The following ZKSCAN8 variants were observed in gnomAD, a reference collection of about 807,000 sequenced individuals.
ZKSCAN8 encodes zinc finger with KRAB and SCAN domains 8, also known as zinc finger protein with KRAB and SCAN domains 8.
A neutral mutation model predicts 57.2 loss-of-function variants in ZKSCAN8; 27 were observed. The observed-to-expected ratio is 0.47, with a 90% CI of 0.35 to 0.65. The LOEUF (loss-of-function observed/expected upper bound fraction) is 0.65, where lower values mean the gene tolerates loss of function less well. Among genes scored for constraint, ZKSCAN8 ranks in the 30% least tolerant of loss-of-function variants. The pLI, the probability that ZKSCAN8 is intolerant of heterozygous loss-of-function variation, is 0.01. For missense variants in ZKSCAN8, 597 were observed against 696.3 expected (o/e 0.86, Z 1.60); for synonymous variants, 214 against 248.7 (o/e 0.86, Z 1.31).
chr6:28,153,762 G>A lies in ZKSCAN8; in HGVS notation c.1482G>A (p.Glu494=). 1 of 1,614,022 alleles carries A rather than the reference G, an allele frequency of 6.2e-7. No individual in the cohort carries two copies. Among genetic ancestry groups the A allele is most frequent in the Non-Finnish European group, 8.5e-7 (1 of 1,179,934 alleles). The change falls in exon 6 of 6, where the codon GAG becomes GAA. Residue 494 remains glutamate, a synonymous_variant. Transcript: ENST00000330236. ...HTGEKPYKCN[E]CGRAFSQKSG... ...GGGAGAAACCCTACAAATGCAATGA[G>A]TGTGGGAGGGCCTTCAGTCAGAAGT...
In ZKSCAN8 at chr6:28,154,063, C is replaced by A; in HGVS notation, c.*46C>A. On this transcript the variant is annotated 3_prime_UTR_variant, in exon 6 of 6. Transcript: ENST00000330236. The stretch of plus-strand genomic sequence containing the variant: ...TGAGCATTATTCAGCATTAGGGAAA[C>A]CACACACTGGTGAGAGGTCTTTCAG... 1 of 1,527,330 alleles carries A rather than the reference C, an allele frequency of 6.5e-7. No homozygotes were observed. 94.6% of individuals were successfully genotyped at this position (1,527,330 alleles called of 1,614,324 possible).
At chr6:28,150,415 G>A (rs1272874203) in intron 3 of ZKSCAN8, among the ~76,000 whole-genome samples, 1 of 152,118 alleles carries the variant, frequency 6.6e-6, no homozygotes, top group Non-Finnish European at 1.5e-5. Context: ...CTTCTTAGGG[G>A]TACAACAGGA....
rs752977146 is a variant in ZKSCAN8, at chr6:28,148,549, GA to G, written c.144del (p.Val49CysfsTer15). 6.2e-7 allele frequency: 1 copy of G among 1,614,168 alleles called. No individual in the cohort carries two copies. Among genetic ancestry groups the G allele is most frequent in the Admixed American group, 1.7e-5 (1 of 60,014 alleles). ...GCATGAAAGTAACCCTCTTGGCCAAGAAGTGTTCCGCCTGCGCTTCAGGCAG... is the reference window on the plus strand; with the variant it reads ...GCATGAAAGTAACCCTCTTGGCCAAGAGTGTTCCGCCTGCGCTTCAGGCAG... ...SLHESNPLGQ[E>X]VFRLRFRQLR... On this transcript the variant is annotated frameshift_variant, in exon 2 of 6. Transcript: ENST00000330236. LOFTEE classifies it high-confidence loss of function.
At position 28,146,220 on chromosome 6, in the gene ZKSCAN8, A is replaced by G. The variant is rs191831187; in HGVS notation, c.-92-2096A>G. ...TGGCTAATGTTCTTCGATTCTATCAATAAGATAAAAGATATGGACCTTTGC... is the reference window on the plus strand; with the variant it reads ...TGGCTAATGTTCTTCGATTCTATCAGTAAGATAAAAGATATGGACCTTTGC... On this transcript the variant is annotated intron_variant, in intron 1 of 5. Transcript: ENST00000330236. Among the ~76,000 whole-genome samples, 135 of 152,388 alleles carry G rather than the reference A, an allele frequency of 8.9e-4. No homozygotes were observed. The Middle Eastern group carries it at 0.01, about 12-fold the overall frequency.
intron 1 of ZKSCAN8, among the ~76,000 whole-genome samples, chr6:28,143,204 A>C (rs1457706212): frequency 6.6e-6 from 1 of 152,188 alleles, no homozygotes; most frequent in African/African-American, 2.4e-5. Context: ...CACAAAACTG[A>C]GAGGAAGGTA....
At position 28,154,442 on chromosome 6, in the gene ZKSCAN8, G is replaced by A. The variant is rs1312523628; in HGVS notation, c.*425G>A. ...GAAGGTGCCCTTGTATTCCTAATCTGATCTAAGAAGCTGCTGTAGAGTCAG... is the reference window on the plus strand; with the variant it reads ...GAAGGTGCCCTTGTATTCCTAATCTAATCTAAGAAGCTGCTGTAGAGTCAG... On this transcript the variant is annotated 3_prime_UTR_variant, in exon 6 of 6. Coordinates refer to ENST00000330236, the MANE Select transcript of ZKSCAN8 (RefSeq NM_006298.4). The A allele has an allele frequency of 1.9e-5, 3 of 160,226 alleles. No homozygotes were observed. The highest frequency in any genetic ancestry group is 7.2e-5 in the African/African-American group (3 of 41,578). The allele number at this position is 160,226 out of a possible 1,614,324, so 9.9% of individuals were successfully genotyped here.
At position 28,158,820 on chromosome 6, in the gene ZKSCAN8, C is replaced by T. The variant is rs1765869311; in HGVS notation, c.*4803C>T. 1 of 152,098 alleles carries T rather than the reference C, an allele frequency of 6.6e-6. No homozygotes were observed. The highest frequency in any genetic ancestry group is 1.5e-5 in the Non-Finnish European group (1 of 68,026). The allele number at this position is 152,098 out of a possible 1,614,324, so 9.4% of individuals were successfully genotyped here. A position where few individuals can be genotyped will look rare whatever the true frequency, so the allele number is the denominator to read the frequency against. On this transcript the variant is annotated 3_prime_UTR_variant, in exon 6 of 6. Coordinates refer to ENST00000330236, the MANE Select transcript of ZKSCAN8 (RefSeq NM_006298.4). ...ATTGTAAAATTTTCATTTTCAGTAA[C>T]ACCCAGTAGATAATTTTTCAAAGAC... is the stretch of plus-strand genomic sequence containing the variant.
chr6:28,152,466 T>C (rs1351808766), intron 5 of ZKSCAN8, 82 bp downstream of exon 5: 1 of 1,476,864 alleles, frequency 6.8e-7, no homozygotes, highest in Non-Finnish European at 9.0e-7. Context: ...ACAGCCTTTC[T>C]GAAAGACATA....
At position 28,146,860 on chromosome 6, in the gene ZKSCAN8, G is replaced by A. The variant is rs143123739; in HGVS notation, c.-92-1456G>A. Among the ~76,000 whole-genome samples the A allele has an allele frequency of 8.7e-4, 133 of 152,160 alleles. 3 individuals carry two copies. In the East Asian group the frequency reaches 0.023, roughly 27 times the overall value. ...ACAAATATACAAAGACAGTTAAGTA[G>A]ATAAAGGAGAATCCTTAAAATGAAC... On this transcript the variant is annotated intron_variant, in intron 1 of 5. Transcript: ENST00000330236.
Position 28,154,071 on chromosome 6 carries a change from T to C in ZKSCAN8, c.*54T>C. 6.6e-7 allele frequency: 1 copy of C among 1,519,328 alleles called. No individual in the cohort carries two copies. The highest frequency in any genetic ancestry group is 1.4e-5 in the African/African-American group (1 of 72,086). The allele number at this position is 1,519,328 out of a possible 1,614,324, so 94.1% of individuals were successfully genotyped here. ...ATTCAGCATTAGGGAAACCACACAC[T>C]GGTGAGAGGTCTTTCAGTGTACTAA... On this transcript the variant is annotated 3_prime_UTR_variant, in exon 6 of 6. Transcript: ENST00000330236.
In ZKSCAN8 at chr6:28,157,290, A is replaced by G. The variant is rs1304011048; in HGVS notation, c.*3273A>G. 2.0e-5 allele frequency: 3 copies of G among 152,182 alleles called. No homozygotes were observed. The highest frequency in any genetic ancestry group is 2.1e-4 in the South Asian group (1 of 4,824). 9.4% of individuals were successfully genotyped at this position (152,182 alleles called of 1,614,324 possible). A position where few individuals can be genotyped will look rare whatever the true frequency, so the allele number is the denominator to read the frequency against. ...AGGAAAGTTCTGCCCCCGTGATTCA[A>G]TTACCTCCCACTTGGTCCCACCCAC... On this transcript the variant is annotated 3_prime_UTR_variant, in exon 6 of 6. Coordinates refer to ENST00000330236, the MANE Select transcript of ZKSCAN8 (RefSeq NM_006298.4).
Position 28,153,156 on chromosome 6 carries a change from T to C in ZKSCAN8, c.876T>C (p.Asp292=), listed in dbSNP as rs751125142. The change falls in exon 6 of 6, where the codon GAT becomes GAC. Residue 292 remains aspartate, a synonymous_variant. Transcript: ENST00000330236. ...HGETAAKCNG[D]VIRGLEHEEA... ...AGACAGCTGCCAAATGCAACGGGGA[T>C]GTTATCAGGGGTCTTGAGCATGAAG... The C allele has an allele frequency of 1.9e-6, 3 of 1,614,080 alleles. No individual in the cohort carries two copies. Among genetic ancestry groups the C allele is most frequent in the Non-Finnish European group, 1.7e-6 (2 of 1,180,018 alleles).
At chr6:28,152,217 T>C (rs773400851) in intron 4 of ZKSCAN8, 44 bp from the exon 5 acceptor site, 1 of 1,571,620 alleles carries the variant, frequency 6.4e-7, no homozygotes, top group Non-Finnish European at 8.6e-7. Context: ...GTTTGAGCTG[T>C]GGAACAGTCC....
rs745845523 is a variant in ZKSCAN8 at position 28,148,429 on chromosome 6, C to T, written c.22C>T (p.Pro8Ser). The change falls in exon 2 of 6, where the codon CCT becomes TCT. Residue 8 changes from proline (P) to serine (S), a missense_variant. Transcript: ENST00000330236. MAEESRK[P>S]SAPSPPDQTP... ...TCTAATGGCTGAAGAATCAAGAAAG[C>T]CTTCAGCCCCATCCCCACCAGACCA... 1.2e-6 allele frequency: 2 copies of T among 1,612,006 alleles called. No homozygotes were observed. Among genetic ancestry groups the T allele is most frequent in the East Asian group, 2.2e-5 (1 of 44,834 alleles).
Position 28,157,868 on chromosome 6 carries a change from G to C in ZKSCAN8, c.*3851G>C, listed in dbSNP as rs1765834648. On this transcript the variant is annotated 3_prime_UTR_variant, in exon 6 of 6. Transcript: ENST00000330236. ...TATCCATGTACCAGGCCAGGCAGAT[G>C]GTCAGTTAGGATGACAATAGTAAGT... The C allele has an allele frequency of 6.6e-6, 1 of 152,106 alleles. No homozygotes were observed. Among genetic ancestry groups the C allele is most frequent in the African/African-American group, 2.4e-5 (1 of 41,388 alleles). The allele number at this position is 152,106 out of a possible 1,614,324, so 9.4% of individuals were successfully genotyped here. A position where few individuals can be genotyped will look rare whatever the true frequency, so the allele number is the denominator to read the frequency against.
chr6:28,147,307 C>G (rs953864743), intron 1 of ZKSCAN8, among the ~76,000 whole-genome samples: 1 of 151,916 alleles, frequency 6.6e-6, no homozygotes, highest in Non-Finnish European at 1.5e-5. Context: ...CATACTAAAG[C>G]CATATGAGAT....
At position 28,148,524 on chromosome 6, in the gene ZKSCAN8, G is replaced by T. The variant is rs1765480873; in HGVS notation, c.117G>T (p.Leu39=). ...ATGGTTGGGACCAGGAATCTAGTCT[G>T]CATGAAAGTAACCCTCTTGGCCAAG... ...EDHGWDQESS[L]HESNPLGQEV... is the part of the protein sequence containing the mutation. Residue 39 remains leucine, a synonymous_variant, in exon 2 of 6, where the codon CTG becomes CTT. Transcript: ENST00000330236. 3 of 1,614,066 alleles carry T rather than the reference G, an allele frequency of 1.9e-6. No homozygotes were observed. Among genetic ancestry groups the T allele is most frequent in the Non-Finnish European group, 2.5e-6 (3 of 1,180,040 alleles).
chr6:28,150,243 CT>C (rs967206685), intron 3 of ZKSCAN8, among the ~76,000 whole-genome samples: 146 of 151,192 alleles, frequency 9.7e-4, no homozygotes, highest in African/African-American at 3.4e-3. Flanking sequence ...CTCAACCTTT[CT>C]TTTTTTTTGA....
At chr6:28,141,735 C>T (rs753267562), upstream of ZKSCAN8, among the ~76,000 whole-genome samples, 3 of 152,224 alleles carry the variant, frequency 2.0e-5, no homozygotes, top group Non-Finnish European at 4.4e-5. Context: ...GGCACGCAGA[C>T]GCGGGAGGAA....
Sources: allele counts gnomAD v4.1 joint callset (sites outside exome capture counted in the v4.1 genomes callset), GRCh38; gene constraint gnomAD v4.1.1; transcripts MANE v1.5; gene names NCBI Gene and HGNC (gene_info 2026-07-23, HGNC 2026-07-21).